SHISA9: variants seen among roughly 807,000 people sequenced by gnomAD.
The protein encoded by SHISA9 is shisa family member 9.
Under a neutral mutation model 38.0 loss-of-function variants are expected in SHISA9, and 13 were observed. That is an observed-to-expected ratio of 0.34 (90% CI 0.22 to 0.54). The LOEUF (loss-of-function observed/expected upper bound fraction) is 0.54, where lower values mean the gene tolerates loss of function less well. SHISA9 is among the 20% of genes least tolerant of loss of function. The pLI, the probability that SHISA9 is intolerant of heterozygous loss-of-function variation, is 0.91. For missense variants in SHISA9, 538 were observed against 575.8 expected (o/e 0.93, Z 0.67); for synonymous variants, 275 against 242.0 (o/e 1.14, Z -1.27).
chr16:12,915,764 C>G (rs991723308), intron 1 of SHISA9, among the ~76,000 whole-genome samples: 3 of 152,130 alleles, frequency 2.0e-5, no homozygotes, highest in Non-Finnish European at 4.4e-5. Flanking sequence ...CACGTGTGAA[C>G]AAAGGAAGAA....
the SHISA9 span, among the ~76,000 whole-genome samples, chr16:13,313,503 G>C: frequency 6.6e-6 from 1 of 152,142 alleles, no homozygotes; most frequent in African/African-American, 2.4e-5. Flanking sequence ...TAGCCATATG[G>C]AGGTAACAGA....
At chr16:13,490,615 C>T in the SHISA9 span, among the ~76,000 whole-genome samples, 1 of 152,152 alleles carries the variant, frequency 6.6e-6, no homozygotes, top group Non-Finnish European at 1.5e-5. Context: ...TTTGGGTAAA[C>T]TGAGTCTGAG....
intron 2 of SHISA9, among the ~76,000 whole-genome samples, chr16:12,927,048 C>T (rs1218419142): frequency 6.6e-6 from 1 of 152,002 alleles, no homozygotes; most frequent in East Asian, 1.9e-4. Context: ...TTTCAGTCAG[C>T]CTGCTGTTCC....
intron 2 of SHISA9, among the ~76,000 whole-genome samples, chr16:13,120,338 G>C (rs1314644585): frequency 6.6e-6 from 1 of 151,816 alleles, no homozygotes; most frequent in African/African-American, 2.4e-5. Context: ...CTGTTACCAG[G>C]GGACTTTTTA....
At chr16:13,546,756 C>T in the SHISA9 span, among the ~76,000 whole-genome samples, 4 of 152,144 alleles carry the variant, frequency 2.6e-5, no homozygotes, top group Non-Finnish European at 1.5e-5. Flanking sequence ...CCATATTCAC[C>T]CATTTTTACA....
the SHISA9 span, chr16:13,458,359 G>C: frequency 5.6e-6 from 2 of 358,594 alleles, no homozygotes; most frequent in Admixed American, 3.9e-5. Context: ...ATTTGGACCA[G>C]TGTCTGTATC....
chr16:13,559,968 A>T, the SHISA9 span, among the ~76,000 whole-genome samples: 8 of 152,284 alleles, frequency 5.3e-5, no homozygotes, highest in African/African-American at 1.9e-4. Context: ...ATAAAGAGGA[A>T]CTCTGTTTAT....
intron 1 of SHISA9, among the ~76,000 whole-genome samples, chr16:12,907,461 C>G (rs1202670017): frequency 1.3e-5 from 2 of 151,748 alleles, no homozygotes; most frequent in Non-Finnish European, 2.9e-5. Flanking sequence ...AGACATGACA[C>G]TTAGTCCCTA....
chr16:13,530,011 CCTT>C, the SHISA9 span, among the ~76,000 whole-genome samples: 1 of 152,166 alleles, frequency 6.6e-6, no homozygotes, highest in South Asian at 2.1e-4. Context: ...TTAAATATCA[CCTT>C]CTAACTGGGT....
the SHISA9 span, among the ~76,000 whole-genome samples, chr16:13,535,674 T>C: frequency 2.0e-5 from 3 of 152,180 alleles, no homozygotes; most frequent in African/African-American, 7.2e-5. Flanking sequence ...TAGGCCCCTG[T>C]TGTTTCATGC....
chr16:13,313,888 T>C, the SHISA9 span, among the ~76,000 whole-genome samples: 2 of 152,228 alleles, frequency 1.3e-5, no homozygotes, highest in African/African-American at 4.8e-5. Flanking sequence ...GCATTACTTT[T>C]ATAATGCCAA....
the SHISA9 span, among the ~76,000 whole-genome samples, chr16:13,378,681 C>T: frequency 6.6e-6 from 1 of 152,194 alleles, no homozygotes; most frequent in Non-Finnish European, 1.5e-5. Context: ...CTGAGCAGCA[C>T]AAGGGTTTGG....
At chr16:12,931,079 G>A (rs2071455682) in intron 2 of SHISA9, among the ~76,000 whole-genome samples, 1 of 152,164 alleles carries the variant, frequency 6.6e-6, no homozygotes, top group Non-Finnish European at 1.5e-5. Flanking sequence ...AAAAGATGCA[G>A]TCTCTGGATG....
At chr16:13,264,278 G>T in the SHISA9 span, among the ~76,000 whole-genome samples, 1 of 150,292 alleles carries the variant, frequency 6.7e-6, no homozygotes, top group Non-Finnish European at 1.5e-5. Flanking sequence ...AGGTTACAGT[G>T]TTTTTTGTGC....
At chr16:13,224,358 G>T (rs572642157) in intron 4 of SHISA9, among the ~76,000 whole-genome samples, 1 of 152,094 alleles carries the variant, frequency 6.6e-6, no homozygotes, top group African/African-American at 2.4e-5. Flanking sequence ...ATCCTAGTTC[G>T]CCTGTCTGCG....
chr16:13,074,940 C>T (rs562413722), intron 2 of SHISA9, among the ~76,000 whole-genome samples: 11 of 152,116 alleles, frequency 7.2e-5, no homozygotes, highest in East Asian at 5.8e-4. Context: ...CTGGGATTAC[C>T]GGTGTGAGCC....
chr16:13,061,442 A>G (rs79298713), intron 2 of SHISA9, among the ~76,000 whole-genome samples: 8,250 of 152,288 alleles, frequency 0.054, 303 homozygotes, highest in Non-Finnish European at 0.084. Flanking sequence ...TCGTCCGACA[A>G]TCTAAGATTG....
intron 2 of SHISA9, among the ~76,000 whole-genome samples, chr16:13,162,186 G>C (rs918449571): frequency 3.9e-5 from 6 of 152,150 alleles, no homozygotes; most frequent in Non-Finnish European, 5.9e-5. Context: ...GAGGGGGTGG[G>C]AGACAGCTTT....
intron 2 of SHISA9, among the ~76,000 whole-genome samples, chr16:12,985,651 A>G (rs538784017): frequency 1.3e-5 from 2 of 152,242 alleles, no homozygotes; most frequent in Non-Finnish European, 2.9e-5. Flanking sequence ...TTTGTCTGCC[A>G]TTTCTTCCCT....
Sources: allele counts gnomAD v4.1 joint callset (sites outside exome capture counted in the v4.1 genomes callset), GRCh38; gene constraint gnomAD v4.1.1; transcripts MANE v1.5; gene names NCBI Gene and HGNC (gene_info 2026-07-23, HGNC 2026-07-21).